The following TPRG1 variants were observed in gnomAD, a reference collection of about 807,000 sequenced individuals.
TPRG1 encodes tumor protein p63 regulated 1.
TPRG1 carries 29 observed loss-of-function variants against 29.3 expected under a neutral mutation model. The ratio of observed to expected loss-of-function variants is 0.99; its 90% CI spans 0.74 to 1.35. The LOEUF (loss-of-function observed/expected upper bound fraction) is 1.35. TPRG1 is among the 40% of genes most tolerant of loss of function. The pLI, the probability that TPRG1 is intolerant of heterozygous loss-of-function variation, is 0.00. For missense variants in TPRG1, 327 were observed against 335.0 expected, an observed-to-expected ratio of 0.98 and a Z score of 0.19; for synonymous variants, 130 against 116.8, an observed-to-expected ratio of 1.11 and a Z score of -0.73.
Position 189,293,894 on chromosome 3 carries a change from C to G in TPRG1, c.480-16492C>G, listed in dbSNP as rs559020793. ...CAAAGCCACGGCCCAGTTCATATCT[C>G]TTCCCTTATTAAAAGCTTGCCTCAG... On this transcript the variant is annotated intron_variant, in intron 4 of 5. Transcript: ENST00000345063. Among the ~76,000 whole-genome samples, 68 of 152,332 alleles carry G rather than the reference C, an allele frequency of 4.5e-4. No individual in the cohort carries two copies. In the South Asian group the frequency reaches 0.014, roughly 31 times the overall value.
At chr3:189,190,485 G>GC (rs1472964070) in intron 1 of TPRG1, among the ~76,000 whole-genome samples, 1 of 152,050 alleles carries the variant, frequency 6.6e-6, no homozygotes, top group Non-Finnish European at 1.5e-5. Flanking sequence ...TAGATAAAAG[G>GC]TTTCCCTCAA....
chr3:189,000,506 CT>C (rs1435501844), intron 1 of TPRG1, among the ~76,000 whole-genome samples: 1 of 152,026 alleles, frequency 6.6e-6, no homozygotes, highest in African/African-American at 2.4e-5. Flanking sequence ...TAAAACACTA[CT>C]GAGCTATTTC....
At chr3:189,101,984 C>T (rs1719260525) in intron 1 of TPRG1, among the ~76,000 whole-genome samples, 1 of 151,986 alleles carries the variant, frequency 6.6e-6, no homozygotes, top group South Asian at 2.1e-4. Flanking sequence ...AATAGAGGTA[C>T]TGAGTTGGGA....
intron 4 of TPRG1, among the ~76,000 whole-genome samples, chr3:189,035,178 T>C (rs849004): frequency 1 from 152,168 of 152,314 alleles, 76,011 homozygotes; most frequent in Non-Finnish European, 1. Context: ...CAATAACAAG[T>C]AATAAGGAAA....
chr3:189,112,325 T>A (rs1306557748), intron 1 of TPRG1, among the ~76,000 whole-genome samples: 1 of 152,174 alleles, frequency 6.6e-6, no homozygotes, highest in Non-Finnish European at 1.5e-5. Flanking sequence ...TTGAAAAGTG[T>A]TCCTGTTCAC....
At chr3:189,026,108 G>T (rs1713647043) in intron 4 of TPRG1, among the ~76,000 whole-genome samples, 5 of 152,140 alleles carry the variant, frequency 3.3e-5, no homozygotes, top group Admixed American at 3.3e-4. Context: ...CCACAGATTG[G>T]GTGTCTTAAC....
At chr3:189,092,612 G>A (rs911783748) in intron 4 of TPRG1, among the ~76,000 whole-genome samples, 1 of 151,958 alleles carries the variant, frequency 6.6e-6, no homozygotes, top group Non-Finnish European at 1.5e-5. Flanking sequence ...CTATTGCTGT[G>A]ACTGTGGGTG....
chr3:189,299,264 T>C (rs1413938471), intron 4 of TPRG1, among the ~76,000 whole-genome samples: 1 of 152,172 alleles, frequency 6.6e-6, no homozygotes, highest in African/African-American at 2.4e-5. Context: ...GCATTTTTCT[T>C]GGTAGCTTTG....
intron 1 of TPRG1, among the ~76,000 whole-genome samples, chr3:189,202,937 G>A (rs1472653117): frequency 6.6e-6 from 1 of 152,108 alleles, no homozygotes; most frequent in Non-Finnish European, 1.5e-5. Context: ...TTCTAAATGG[G>A]GCAACTTGAA....
intron 4 of TPRG1, among the ~76,000 whole-genome samples, chr3:189,046,233 C>T (rs978915300): frequency 6.6e-6 from 1 of 152,106 alleles, no homozygotes; most frequent in African/African-American, 2.4e-5. Context: ...GATTTAATGT[C>T]AGGGTCCAGA....
intron 4 of TPRG1, among the ~76,000 whole-genome samples, chr3:189,065,465 TATAG>T (rs1413927524): frequency 6.6e-6 from 1 of 152,048 alleles, no homozygotes; most frequent in Non-Finnish European, 1.5e-5. Context: ...TAAAAAGAAT[TATAG>T]ATCATGAACA....
At chr3:188,999,799 T>G (rs1383015325) in intron 1 of TPRG1, among the ~76,000 whole-genome samples, 1 of 152,110 alleles carries the variant, frequency 6.6e-6, no homozygotes, top group African/African-American at 2.4e-5. Flanking sequence ...CTAATGGGCT[T>G]TATTAGCTAT....
chr3:189,043,978 T>C (rs954055664), intron 4 of TPRG1, among the ~76,000 whole-genome samples: 1 of 152,152 alleles, frequency 6.6e-6, no homozygotes, highest in Non-Finnish European at 1.5e-5. Flanking sequence ...TTTTTTTCAT[T>C]TCTTATTTTT....
At chr3:189,213,349 CAATG>C (rs1316334246) in intron 2 of TPRG1, among the ~76,000 whole-genome samples, 1 of 152,052 alleles carries the variant, frequency 6.6e-6, no homozygotes, top group Non-Finnish European at 1.5e-5. Context: ...AGACACAAGT[CAATG>C]TATTTATACT....
chr3:189,219,895 C>T, intron 3 of TPRG1: 2 of 391,668 alleles, frequency 5.1e-6, no homozygotes, highest in South Asian at 1.1e-4. Context: ...CACCTGGTGT[C>T]TATCCCAGGG....
At chr3:189,024,034 T>C (rs1578205617) in intron 4 of TPRG1, 1 of 152,352 alleles carries the variant, frequency 6.6e-6, no homozygotes, top group African/African-American at 2.4e-5. Context: ...CTTTGCTGTG[T>C]TGGGGGATCC....
At chr3:189,232,821 A>G (rs527986270) in intron 3 of TPRG1, among the ~76,000 whole-genome samples, 3 of 152,310 alleles carry the variant, frequency 2.0e-5, no homozygotes, top group African/African-American at 7.2e-5. Context: ...TGAAAGAAAA[A>G]TATGTGAATC....
At chr3:189,016,369 A>T (rs1418853704) in intron 3 of TPRG1, among the ~76,000 whole-genome samples, 3 of 151,996 alleles carry the variant, frequency 2.0e-5, no homozygotes, top group Non-Finnish European at 2.9e-5. Context: ...TCCCTTCTGT[A>T]TATGAGCCTC....
At position 189,235,558 on chromosome 3, in the gene TPRG1, C is replaced by T. The variant is rs1249731809; in HGVS notation, c.303-3175C>T. ...GGGTTCTTCCCCAAGCTAGGGGACA[C>T]TGAAAGGGGACAAGGGCGGAAAAAG... On this transcript the variant is annotated intron_variant, in intron 3 of 5. Transcript: ENST00000345063. 7.2e-5 allele frequency among the ~76,000 whole-genome samples: 11 copies of T among 151,934 alleles called. No homozygotes were observed. The East Asian group carries it at 1.3e-3, about 19-fold the overall frequency.
Sources: gnomAD v4.1 joint callset for allele counts (sites outside exome capture counted in the v4.1 genomes callset) on GRCh38, gnomAD v4.1.1 for gene constraint, MANE v1.5 for transcripts, NCBI Gene and HGNC (gene_info 2026-07-23, HGNC 2026-07-21) for gene names.